Variants in HERC4 observed in about 807,000 individuals in gnomAD.
HERC4 encodes the protein probable E3 ubiquitin-protein ligase HERC4.
A neutral mutation model predicts 124.3 loss-of-function variants in HERC4; 28 were observed. The observed-to-expected ratio is 0.23, with a 90% CI of 0.17 to 0.31. The LOEUF is 0.31. Among genes scored for constraint, HERC4 ranks in the 10% least tolerant of loss-of-function variants. HERC4 has a pLI of 1.00. For synonymous variants in HERC4, 407 were observed against 421.5 expected (o/e 0.97, Z 0.42); for missense variants, 713 against 1,229.3 (o/e 0.58, Z 6.28).
intron 16 of HERC4, among the ~76,000 whole-genome samples, chr10:67,958,307 A>T (rs2132339730): frequency 6.6e-6 from 1 of 152,324 alleles, no homozygotes; most frequent in African/African-American, 2.4e-5. Flanking sequence ...CTGCCTAGCT[A>T]ATGATCATAA....
chr10:67,991,214 A>G lies in HERC4; in HGVS notation c.1272-15T>C, dbSNP rs369584533. 4.8e-6 allele frequency: 7 copies of G among 1,473,278 alleles called. No individual in the cohort carries two copies. Among genetic ancestry groups the G allele is most frequent in the Non-Finnish European group, 6.4e-6 (7 of 1,096,100 alleles). 91.3% of individuals were successfully genotyped at this position (1,473,278 alleles called of 1,614,324 possible). On this transcript the variant is annotated splice_polypyrimidine_tract_variant and intron_variant, in intron 11 of 24. Transcript: ENST00000373700. ...CATCTATCTCACTAAAAAATTTAAA[A>G]AAGTTTTTTTAATCATAGAATCAGA...
At chr10:68,043,058 T>C (rs572692153) in intron 4 of HERC4, among the ~76,000 whole-genome samples, 3 of 152,326 alleles carry the variant, frequency 2.0e-5, no homozygotes, top group Admixed American at 1.3e-4. Context: ...GTTGTTATTA[T>C]TGGACAACCC....
chr10:67,922,472 T>C lies in HERC4; in HGVS notation c.*459A>G, dbSNP rs1450677131. ...GTCTGTTCAAGTTCAATTACAACCATAGAAACTGTACTGGTATCAGAACAT... is the reference window on the plus strand; with the variant it reads ...GTCTGTTCAAGTTCAATTACAACCACAGAAACTGTACTGGTATCAGAACAT... On this transcript the variant is annotated 3_prime_UTR_variant, in exon 25 of 25. Coordinates refer to ENST00000373700, the MANE Select transcript of HERC4 (RefSeq NM_015601.4). The C allele has an allele frequency of 1.3e-5, 2 of 152,302 alleles. No homozygotes were observed. Among genetic ancestry groups the C allele is most frequent in the East Asian group, 1.9e-4 (1 of 5,206 alleles). The allele number at this position is 152,302 out of a possible 1,614,324, so 9.4% of individuals were successfully genotyped here.
chr10:67,925,748 C>T (rs1402217039), intron 23 of HERC4, among the ~76,000 whole-genome samples: 1 of 152,026 alleles, frequency 6.6e-6, no homozygotes, highest in Admixed American at 6.6e-5. Flanking sequence ...AGCCCTTCTT[C>T]TGGATCACTC....
chr10:68,044,552 C>A lies in HERC4; in HGVS notation c.238G>T (p.Ala80Ser), dbSNP rs1270253802. 4 of 1,613,632 alleles carry A rather than the reference C, an allele frequency of 2.5e-6. No individual in the cohort carries two copies. The highest frequency in any genetic ancestry group is 1.6e-4 in the Middle Eastern group (1 of 6,082). The change falls in exon 4 of 25, where the codon GCC becomes TCC. Residue 80 changes from alanine (A) to serine (S), a missense_variant. Coordinates refer to ENST00000373700, the MANE Select transcript of HERC4 (RefSeq NM_015601.4). Reference protein sequence around the residue: ...KSRKKPEQVVALDAQNIVAVS... With the variant: ...KSRKKPEQVVSLDAQNIVAVS... Reference sequence around the variant, plus strand: ...GCTACAATATTTTGGGCATCCAGGGCAACAACCTGCTCTACAGAAATCAAG... The same window carrying A: ...GCTACAATATTTTGGGCATCCAGGGAAACAACCTGCTCTACAGAAATCAAG...
intron 3 of HERC4, among the ~76,000 whole-genome samples, chr10:68,046,507 C>T (rs2040017114): frequency 6.6e-6 from 1 of 152,182 alleles, no homozygotes; most frequent in Non-Finnish European, 1.5e-5. Context: ...TTGTATTGTA[C>T]ACTTCTTGTG....
intron 19 of HERC4, among the ~76,000 whole-genome samples, chr10:67,948,781 C>A (rs2033578317): frequency 6.6e-6 from 1 of 151,980 alleles, no homozygotes; most frequent in Admixed American, 6.6e-5. Flanking sequence ...ACTAGCTGGG[C>A]ATGGTGAGGT....
Position 68,059,488 on chromosome 10 carries a change from T to TTATAATATTA in HERC4, c.226+13394_226+13395insTAATATTATA, listed in dbSNP as rs796555556. On this transcript the variant is annotated intron_variant, in intron 3 of 24. Transcript: ENST00000373700. Reference sequence around the variant, plus strand: ...ATATTATATATTATAATATTATATATTATAACATTATATATTATAATATTA... The same window carrying TTATAATATTA: ...ATATTATATATTATAATATTATATATTATAATATTATATAACATTATATATTATAATATTA... 3.0e-3 allele frequency among the ~76,000 whole-genome samples: 365 copies of TTATAATATTA among 121,528 alleles called. 7 individuals are homozygous for TTATAATATTA. The highest frequency in any genetic ancestry group is 0.012 in the African/African-American group (341 of 29,438). 79.7% of individuals were successfully genotyped at this position (121,528 alleles called of 152,430 possible).
At chr10:68,010,609 C>T (rs757668469) in intron 9 of HERC4, 230 of 1,348,688 alleles carry the variant, frequency 1.7e-4, no homozygotes, top group Middle Eastern at 2.3e-4. Context: ...ACGAGGGTTT[C>T]GGCTTTGCAT....
chr10:68,072,459 TA>T (rs2041620449), intron 3 of HERC4, among the ~76,000 whole-genome samples: 1 of 152,166 alleles, frequency 6.6e-6, no homozygotes, highest in African/African-American at 2.4e-5. Context: ...AAATATATTT[TA>T]GGCAAGCAAG....
chr10:67,944,046 C>T (rs1035966468), intron 19 of HERC4, among the ~76,000 whole-genome samples: 5 of 152,258 alleles, frequency 3.3e-5, no homozygotes, highest in African/African-American at 4.8e-5. Context: ...GGGAAGAACA[C>T]AAGCTTCGCT....
At chr10:68,012,885 T>C (rs202241159) in intron 9 of HERC4, among the ~76,000 whole-genome samples, 1 of 152,212 alleles carries the variant, frequency 6.6e-6, no homozygotes, top group African/African-American at 2.4e-5. Flanking sequence ...TATTTTATCT[T>C]TTATGGTGAT....
At chr10:67,941,646 C>T (rs11819155) in intron 19 of HERC4, among the ~76,000 whole-genome samples, 2,197 of 142,196 alleles carry the variant, frequency 0.015, 54 homozygotes, top group African/African-American at 0.053. Flanking sequence ...TATTATGTCA[C>T]TAAATGTTCT....
chr10:68,025,404 C>G (rs2038849600), intron 8 of HERC4, 142 bp downstream of exon 8: 1 of 792,804 alleles, frequency 1.3e-6, no homozygotes, highest in Non-Finnish European at 2.0e-6. Flanking sequence ...TCTCCTGTTA[C>G]TATGACTCCT....
intron 8 of HERC4, among the ~76,000 whole-genome samples, chr10:68,016,500 G>GCA (rs2038276956): frequency 6.6e-6 from 1 of 152,070 alleles, no homozygotes; most frequent in Non-Finnish European, 1.5e-5. Context: ...CTACAGGCAT[G>GCA]TGCCACCATG....
intron 23 of HERC4, among the ~76,000 whole-genome samples, chr10:67,930,689 A>C (rs188326688): frequency 3.9e-5 from 6 of 152,322 alleles, no homozygotes; most frequent in Admixed American, 3.9e-4. Flanking sequence ...GGTATATTAG[A>C]AAGATAGAAA....
At chr10:67,981,299 A>G (rs748144003) in intron 15 of HERC4, among the ~76,000 whole-genome samples, 6 of 152,262 alleles carry the variant, frequency 3.9e-5, no homozygotes, top group Non-Finnish European at 5.9e-5. Flanking sequence ...AGGTCACTAT[A>G]TAATGATAAA....
intron 18 of HERC4, 70 bp from the exon 19 acceptor site, chr10:67,954,808 C>T (rs2034033918): frequency 7.0e-7 from 1 of 1,424,906 alleles, no homozygotes; most frequent in Admixed American, 2.0e-5. Context: ...GACCCTAGAA[C>T]ATGTTATTTA....
intron 9 of HERC4, chr10:67,994,043 T>C (rs2036711103): frequency 6.6e-6 from 1 of 152,228 alleles, no homozygotes; most frequent in African/African-American, 2.4e-5. Flanking sequence ...CATACAAATA[T>C]GCAATTGTTA....
Sources: allele counts gnomAD v4.1 joint callset (sites outside exome capture counted in the v4.1 genomes callset), GRCh38; gene constraint gnomAD v4.1.1; transcripts MANE v1.5; gene names NCBI Gene and HGNC (gene_info 2026-07-23, HGNC 2026-07-21).